The following GALNT8 variants were observed in gnomAD, a reference collection of about 807,000 sequenced individuals.
GALNT8 encodes polypeptide N-acetylgalactosaminyltransferase 8, also known as probable polypeptide N-acetylgalactosaminyltransferase 8.
GALNT8 carries 66 observed loss-of-function variants against 62.7 expected under a neutral mutation model. That is an observed-to-expected ratio of 1.05 (90% CI 0.86 to 1.29). The LOEUF (loss-of-function observed/expected upper bound fraction) is 1.29, where lower values mean the gene tolerates loss of function less well. GALNT8 is among the 50% of genes most tolerant of loss of function. The pLI is 0.00. For missense variants in GALNT8, 771 were observed against 791.8 expected (o/e 0.97, Z 0.32); for synonymous variants, 288 against 294.3 (o/e 0.98, Z 0.22).
intron 6 of GALNT8, among the ~76,000 whole-genome samples, chr12:4,755,501 C>G (rs1946340555): frequency 6.6e-6 from 1 of 152,184 alleles, no homozygotes; most frequent in Admixed American, 6.5e-5. Flanking sequence ...TCGCTACTGT[C>G]CTTTCTACCT....
In GALNT8 at chr12:4,745,604, C is replaced by T; in HGVS notation, c.1036C>T (p.His346Tyr). ...DALPQAWIDL[H>Y]DVTAPVKSPS... ...ACTGCCACAAGCCTGGATTGATCTG[C>T]ATGATGTCACTGCCCCAGTGAAGTA... Residue 346 changes from histidine (H) to tyrosine (Y), a missense_variant, in exon 5 of 11, where the codon CAT becomes TAT. His to Tyr is a moderately conservative substitution (Grantham distance 83, BLOSUM62 2). Transcript: ENST00000252318. The T allele has an allele frequency of 3.7e-6, 6 of 1,613,596 alleles. No homozygotes were observed. Among genetic ancestry groups the T allele is most frequent in the Non-Finnish European group, 5.1e-6 (6 of 1,179,554 alleles).
chr12:4,752,749 A>ATTTT (rs1162323178), intron 6 of GALNT8, among the ~76,000 whole-genome samples: 3 of 152,162 alleles, frequency 2.0e-5, no homozygotes, highest in Non-Finnish European at 4.4e-5. Flanking sequence ...TTTTCTGTGT[A>ATTTT]CTGACTATCA....
At chr12:4,746,454 A>G (rs1946300453) in intron 6 of GALNT8, among the ~76,000 whole-genome samples, 196 bp downstream of exon 6, 1 of 152,108 alleles carries the variant, frequency 6.6e-6, no homozygotes. Flanking sequence ...TATAGCCCAT[A>G]TAATCTGGGA....
intron 2 of GALNT8, among the ~76,000 whole-genome samples, chr12:4,733,136 G>A (rs144781173): frequency 6.6e-6 from 1 of 152,196 alleles, no homozygotes; most frequent in Non-Finnish European, 1.5e-5. Context: ...CTACTTAAAT[G>A]TAAATTAATT....
chr12:4,766,801 T>G (rs896207184), intron 10 of GALNT8, among the ~76,000 whole-genome samples: 2 of 152,040 alleles, frequency 1.3e-5, no homozygotes, highest in African/African-American at 4.8e-5. Context: ...GACAATCTAG[T>G]TCAACAGTTT....
chr12:4,767,769 A>G (rs186924636), intron 10 of GALNT8, among the ~76,000 whole-genome samples: 19 of 152,358 alleles, frequency 1.2e-4, no homozygotes, highest in Non-Finnish European at 1.8e-4. Flanking sequence ...GAAGAAAACT[A>G]CAACAAGTTA....
At chr12:4,760,564 G>C (rs574363117) in intron 6 of GALNT8, among the ~76,000 whole-genome samples, 1 of 152,304 alleles carries the variant, frequency 6.6e-6, no homozygotes, top group African/African-American at 2.4e-5. Flanking sequence ...GCGTCTGTCT[G>C]CCACATTGCC....
intron 1 of GALNT8, 25 bp downstream of exon 1, chr12:4,720,913 AGGTGTGTGTGTG>A (rs1335609280): frequency 7.1e-7 from 1 of 1,416,964 alleles, no homozygotes; most frequent in Admixed American, 1.7e-5. Context: ...CTAACCTGGA[AGGTGTGTGTGTG>A]GGTGTGTGTG....
chr12:4,724,962 G>GGGCTGTCCCCTCACCAAGC (rs1343377548), intron 1 of GALNT8, among the ~76,000 whole-genome samples: 25 of 152,246 alleles, frequency 1.6e-4, no homozygotes, highest in South Asian at 8.3e-4. Flanking sequence ...TCACACGATG[G>GGGCTGTCCCCTCACCAAGC]GGCTGTCCCC....
Position 4,772,537 on chromosome 12 carries a change from C to G in GALNT8, c.1854C>G (p.Ser618Arg), listed in dbSNP as rs779279390. 6.2e-7 allele frequency: 1 copy of G among 1,613,802 alleles called. No individual in the cohort carries two copies. The highest frequency in any genetic ancestry group is 1.1e-5 in the South Asian group (1 of 91,084). The change falls in exon 11 of 11, where the codon AGC becomes AGG. Residue 618 changes from serine (S) to arginine (R), a missense_variant. By Grantham distance (110) the Ser-to-Arg change is moderately radical. Transcript: ENST00000252318. Reference sequence around the variant, plus strand: ...ACGTGCTTGTGCTCCAGACCTGTAGCACGCAAGTGTGGGAAATCCAGCACA... The same window carrying G: ...ACGTGCTTGTGCTCCAGACCTGTAGGACGCAAGTGTGGGAAATCCAGCACA... ...GSHVLVLQTCSTQVWEIQHTV... is the reference protein window; with the variant it reads ...GSHVLVLQTCRTQVWEIQHTV...
chr12:4,720,490 G>A lies in GALNT8; in HGVS notation c.-188G>A, dbSNP rs1310781924. ...CCTCTCGGGGCATAAAGACAAAGAA[G>A]GCAATAAGGAGACTTTGCTCCTCAG... On this transcript the variant is annotated 5_prime_UTR_variant, in exon 1 of 11. Transcript: ENST00000252318. The A allele has an allele frequency of 1.7e-6, 1 of 592,722 alleles. No homozygotes were observed. The allele number at this position is 592,722 out of a possible 1,614,324, so 36.7% of individuals were successfully genotyped here. A position where few individuals can be genotyped will look rare whatever the true frequency, so the allele number is the denominator to read the frequency against.
intron 6 of GALNT8, among the ~76,000 whole-genome samples, chr12:4,748,789 C>T (rs374764225): frequency 5.9e-5 from 9 of 151,914 alleles, no homozygotes; most frequent in East Asian, 1.9e-4. Flanking sequence ...GTATTTAATC[C>T]GTATATTGCT....
At chr12:4,762,883 A>G (rs906929795) in intron 7 of GALNT8, among the ~76,000 whole-genome samples, 3 of 152,272 alleles carry the variant, frequency 2.0e-5, no homozygotes, top group Non-Finnish European at 2.9e-5. Context: ...CAGAGACTCC[A>G]GCGCAGCCAT....
Position 4,720,887 on chromosome 12 carries a change from G to C in GALNT8, c.210G>C (p.Leu70=). 6.4e-7 allele frequency: 1 copy of C among 1,568,794 alleles called. No homozygotes were observed. Among genetic ancestry groups the C allele is most frequent in the Non-Finnish European group, 8.8e-7 (1 of 1,139,000 alleles). Residue 70 remains leucine (L), a splice_region_variant and synonymous_variant, in exon 1 of 11, where the codon CTG becomes CTC. Coordinates refer to ENST00000252318, the MANE Select transcript of GALNT8 (RefSeq NM_017417.2). The part of the protein sequence containing the change: ...LSHLEVELQD[L]KESMKLALRQ... ...ACTTGGAGGTGGAATTGCAGGATCT[G>C]AGTAAGTTTACAATGCTAACCTGGA...
intron 4 of GALNT8, 128 bp downstream of exon 4, chr12:4,744,828 C>T: frequency 1.6e-6 from 1 of 606,398 alleles, no homozygotes; most frequent in Non-Finnish European, 2.8e-6. Flanking sequence ...AGGGAATCTC[C>T]AAAACAGCAT....
chr12:4,748,212 C>CT (rs918703701), intron 6 of GALNT8, among the ~76,000 whole-genome samples: 2 of 152,178 alleles, frequency 1.3e-5, no homozygotes, highest in East Asian at 3.9e-4. Context: ...GGTGCAGAAG[C>CT]TTTTTAACTT....
intron 6 of GALNT8, among the ~76,000 whole-genome samples, chr12:4,755,833 C>T (rs1461676292): frequency 1.3e-5 from 2 of 152,184 alleles, no homozygotes; most frequent in Non-Finnish European, 2.9e-5. Flanking sequence ...AAACTCAGTG[C>T]CTTAAAGCAG....
In GALNT8 at chr12:4,761,011, C is replaced by A; in HGVS notation, c.1227C>A (p.His409Gln). 1 of 1,614,110 alleles carries A rather than the reference C, an allele frequency of 6.2e-7. No homozygotes were observed. The highest frequency in any genetic ancestry group is 8.5e-7 in the Non-Finnish European group (1 of 1,180,026). ...TTTTGCCCTGTTCCCGGATTGCCCA[C>A]CTAGAGAGACACCACAAGCCCTACG... Reference protein sequence around the residue: ...VEILPCSRIAHLERHHKPYAL... With the variant: ...VEILPCSRIAQLERHHKPYAL... The change falls in exon 7 of 11, where the codon CAC becomes CAA. Residue 409 changes from histidine (H) to glutamine (Q), a missense_variant. Coordinates refer to ENST00000252318, the MANE Select transcript of GALNT8 (RefSeq NM_017417.2).
At chr12:4,730,893 C>T (rs1428552087) in intron 2 of GALNT8, among the ~76,000 whole-genome samples, 10 of 141,954 alleles carry the variant, frequency 7.0e-5, no homozygotes, top group African/African-American at 2.6e-4. Context: ...GAGACGGAGT[C>T]TCTCTCTGTC....
Sources: allele counts gnomAD v4.1 joint callset (sites outside exome capture counted in the v4.1 genomes callset), GRCh38; gene constraint gnomAD v4.1.1; transcripts MANE v1.5; gene names NCBI Gene and HGNC (gene_info 2026-07-23, HGNC 2026-07-21).